EXD3: variants seen among roughly 807,000 people sequenced by gnomAD.
The protein encoded by EXD3 is exonuclease mut-7 homolog.
EXD3 carries 92 observed loss-of-function variants against 98.0 expected under a neutral mutation model. The ratio of observed to expected loss-of-function variants is 0.94; its 90% CI spans 0.79 to 1.12. The LOEUF (loss-of-function observed/expected upper bound fraction) is 1.12, where lower values mean the gene tolerates loss of function less well. Among genes scored for constraint, EXD3 ranks in the 50% most tolerant of loss-of-function variants. The pLI, the probability that EXD3 is intolerant of heterozygous loss-of-function variation, is 0.00. For missense variants in EXD3, 1,222 were observed against 1,191.6 expected (o/e 1.03, Z -0.38); for synonymous variants, 569 against 526.0 (o/e 1.08, Z -1.12).
At chr9:137,365,297 G>C (rs569512140) in intron 7 of EXD3, 1 of 152,430 alleles carries the variant, frequency 6.6e-6, no homozygotes, top group African/African-American at 2.4e-5. Context: ...ACGGCCTGAC[G>C]TCCAAGTCCA....
At chr9:137,353,917 C>T in intron 10 of EXD3, 1 of 1,008,828 alleles carries the variant, frequency 9.9e-7, no homozygotes, top group East Asian at 9.6e-5. Context: ...GTGGAAGCCG[C>T]CCGCATTCTT....
intron 1 of EXD3, among the ~76,000 whole-genome samples, chr9:137,411,404 T>C (rs3934682): frequency 0.68 from 103,157 of 151,652 alleles, 35,293 homozygotes; most frequent in African/African-American, 0.71. Flanking sequence ...CTGGGAGGCC[T>C]GGCCAGACAC....
intron 17 of EXD3, among the ~76,000 whole-genome samples, chr9:137,344,349 C>G (rs1833813916): frequency 6.6e-6 from 1 of 152,134 alleles, no homozygotes; most frequent in African/African-American, 2.4e-5. Context: ...TTGGGCCGAT[C>G]TAGAGAAGCA....
At chr9:137,352,482 T>C in intron 11 of EXD3, 138 bp downstream of exon 11, 1 of 990,454 alleles carries the variant, frequency 1.0e-6, no homozygotes, top group Non-Finnish European at 1.4e-6. Context: ...CTGCTCTGTG[T>C]ATAGCTGCGC....
chr9:137,379,779 C>G (rs568411061), intron 3 of EXD3, among the ~76,000 whole-genome samples: 1 of 151,962 alleles, frequency 6.6e-6, no homozygotes, highest in Admixed American at 6.6e-5. Context: ...CTGTCACCCC[C>G]GGAGTTCTGC....
At chr9:137,417,709 G>A (rs998833518) in intron 1 of EXD3, among the ~76,000 whole-genome samples, 4 of 152,114 alleles carry the variant, frequency 2.6e-5, no homozygotes, top group Non-Finnish European at 4.4e-5. Context: ...ACAGGAGGTC[G>A]GCGCAGGCGA....
chr9:137,310,635 G>A (rs889458797), intron 19 of EXD3, among the ~76,000 whole-genome samples: 2 of 152,204 alleles, frequency 1.3e-5, no homozygotes, highest in African/African-American at 4.8e-5. Flanking sequence ...GTCCTGACTT[G>A]GAGCGGGGTG....
chr9:137,408,838 C>A (rs184415249), intron 1 of EXD3, among the ~76,000 whole-genome samples: 166 of 152,346 alleles, frequency 1.1e-3, no homozygotes, highest in Admixed American at 4.0e-3. Flanking sequence ...GCCCAGGACC[C>A]GGGCGCAGCT....
chr9:137,422,530 T>C (rs909717444), intron 1 of EXD3, among the ~76,000 whole-genome samples: 1 of 152,190 alleles, frequency 6.6e-6, no homozygotes, highest in Non-Finnish European at 1.5e-5. Flanking sequence ...TCTGTTTTCT[T>C]TAAAAACCTG....
At chr9:137,330,157 C>A (rs1291175639) in intron 17 of EXD3, among the ~76,000 whole-genome samples, 1 of 127,178 alleles carries the variant, frequency 7.9e-6, no homozygotes, top group Admixed American at 8.0e-5. Context: ...CGGAGCTACA[C>A]AGGACTACAC....
intron 1 of EXD3, among the ~76,000 whole-genome samples, chr9:137,409,915 G>A (rs1395230182): frequency 6.6e-6 from 1 of 152,196 alleles, no homozygotes; most frequent in South Asian, 2.1e-4. Flanking sequence ...GGTGGCTCAC[G>A]CCCGTAATCC....
Position 137,382,075 on chromosome 9 carries a change from CGCGGTGGAGGTCAGGGCG to C in EXD3, c.120+1220_120+1237del, listed in dbSNP as rs1564194645. 3.0e-3 allele frequency among the ~76,000 whole-genome samples: 296 copies of C among 97,826 alleles called. 6 individuals carry two copies. The highest frequency in any genetic ancestry group is 7.9e-3 in the African/African-American group (168 of 21,188). The allele number at this position is 97,826 out of a possible 152,430, so 64.2% of individuals were successfully genotyped here. ...AGGGCGCGCGGAGGAGGTGAGGGCG[CGCGGTGGAGGTCAGGGCG>C]GCGGTGGAGGTCAGGGCGGCGGTGG... On this transcript the variant is annotated intron_variant, in intron 3 of 21. Coordinates refer to ENST00000340951, the MANE Select transcript of EXD3 (RefSeq NM_017820.5).
At chr9:137,409,066 C>A (rs1179688996) in intron 1 of EXD3, among the ~76,000 whole-genome samples, 1 of 152,252 alleles carries the variant, frequency 6.6e-6, no homozygotes, top group African/African-American at 2.4e-5. Context: ...CACCATGCTG[C>A]GGCGTTTCAA....
In EXD3 at chr9:137,349,469, G is replaced by T; in HGVS notation, c.1557C>A (p.Ser519Arg). The change falls in exon 15 of 22, where the codon AGC becomes AGA. Residue 519 changes from serine to arginine, a missense_variant. Ser to Arg is a moderately radical substitution (Grantham distance 110). Coordinates refer to ENST00000340951, the MANE Select transcript of EXD3 (RefSeq NM_017820.5). The surrounding 1 kb of genome is among the most constrained non-coding windows in gnomAD (Gnocchi z 7.4). The stretch of plus-strand genomic sequence containing the variant: ...TGCCCAGCACCTGCTGCACCAGGAG[G>T]CTCAGGCCCCTCAGCTCCCTGGCCC... ...VDRARELRGLSLLVQQVLGTA... is the reference protein window; with the variant it reads ...VDRARELRGLRLLVQQVLGTA... The T allele has an allele frequency of 1.2e-6, 2 of 1,603,844 alleles. No homozygotes were observed. The highest frequency in any genetic ancestry group is 1.1e-5 in the South Asian group (1 of 90,412).
intron 17 of EXD3, among the ~76,000 whole-genome samples, chr9:137,345,483 G>A (rs1333956844): frequency 5.3e-5 from 8 of 152,088 alleles, no homozygotes; most frequent in Admixed American, 3.9e-4. Context: ...CCAACATGGA[G>A]AAACCCTGTC....
chr9:137,319,181 G>A (rs991751169), intron 19 of EXD3, among the ~76,000 whole-genome samples: 7 of 152,244 alleles, frequency 4.6e-5, no homozygotes, highest in African/African-American at 1.4e-4. Flanking sequence ...CTCTCCTGCT[G>A]CGTCAGCCTG....
intron 4 of EXD3, 121 bp from the exon 5 acceptor site, chr9:137,373,193 G>T: frequency 7.7e-7 from 1 of 1,295,580 alleles, no homozygotes; most frequent in Non-Finnish European, 1.1e-6. Flanking sequence ...GTGGGCATCG[G>T]GTGGTCTGCA....
intron 19 of EXD3, among the ~76,000 whole-genome samples, chr9:137,318,228 T>C (rs1289070705): frequency 1.3e-5 from 2 of 152,038 alleles, no homozygotes; most frequent in South Asian, 2.1e-4. Flanking sequence ...CTTGGACCCC[T>C]GTCTGCTGGG....
chr9:137,385,609 C>G lies in EXD3; in HGVS notation c.56-2232G>C, dbSNP rs1358391638. ...GGAGTGCAGTGCTGTGATCTCGGCTCACTGCAACCTCCACCTCTCAGGTTC... is the reference window on the plus strand; with the variant it reads ...GGAGTGCAGTGCTGTGATCTCGGCTGACTGCAACCTCCACCTCTCAGGTTC... On this transcript the variant is annotated intron_variant, in intron 2 of 21. Coordinates refer to ENST00000340951, the MANE Select transcript of EXD3 (RefSeq NM_017820.5). The surrounding 1 kb of genome is among the most constrained non-coding windows in gnomAD (Gnocchi z 4.4). Among the ~76,000 whole-genome samples, 1 of 152,168 alleles carries G rather than the reference C, an allele frequency of 6.6e-6. No individual in the cohort carries two copies. Among genetic ancestry groups the G allele is most frequent in the Non-Finnish European group, 1.5e-5 (1 of 68,028 alleles).
Sources: allele counts gnomAD v4.1 joint callset (sites outside exome capture counted in the v4.1 genomes callset), GRCh38; gene constraint gnomAD v4.1.1; non-coding constraint Gnocchi (gnomAD v3.1); transcripts MANE v1.5; gene names NCBI Gene and HGNC (gene_info 2026-07-23, HGNC 2026-07-21).